VAPA: variants seen among roughly 807,000 people sequenced by gnomAD.
VAPA encodes vesicle-associated membrane protein-associated protein A.
Under a neutral mutation model 25.6 loss-of-function variants are expected in VAPA, and 6 were observed. The ratio of observed to expected loss-of-function variants is 0.23; its 90% CI spans 0.13 to 0.46. The LOEUF (loss-of-function observed/expected upper bound fraction) is 0.46, where lower values mean the gene tolerates loss of function less well. Ranked by LOEUF, VAPA falls within the 20% of genes least tolerant of loss-of-function variation. VAPA has a pLI of 0.99. For synonymous variants in VAPA, 112 were observed against 106.2 expected, an observed-to-expected ratio of 1.05 and a Z score of -0.34; for missense variants, 244 against 302.1, an observed-to-expected ratio of 0.81 and a Z score of 1.43.
At chr18:9,950,096 G>T in intron 4 of VAPA, 1 of 265,338 alleles carries the variant, frequency 3.8e-6, no homozygotes, top group Non-Finnish European at 7.2e-6. Flanking sequence ...CTGGTTTTAG[G>T]GGTAAATACA....
intron 4 of VAPA, chr18:9,947,775 C>T (rs900614373): frequency 1.3e-5 from 2 of 152,076 alleles, no homozygotes; most frequent in Non-Finnish European, 2.9e-5. Context: ...TAATAGAGGT[C>T]CTGGATGGAA....
intron 1 of VAPA, among the ~76,000 whole-genome samples, chr18:9,929,183 G>C (rs2069228261): frequency 2.0e-5 from 3 of 152,128 alleles, no homozygotes; most frequent in African/African-American, 7.2e-5. Context: ...ACTTGGAAAA[G>C]AGGTTTTTCA....
intron 1 of VAPA, among the ~76,000 whole-genome samples, chr18:9,919,083 G>T (rs940567038): frequency 6.6e-6 from 1 of 152,146 alleles, no homozygotes; most frequent in African/African-American, 2.4e-5. Context: ...GGGTGCCGCT[G>T]TGTTGCCCAG....
At chr18:9,923,751 C>T (rs1221057595) in intron 1 of VAPA, among the ~76,000 whole-genome samples, 1 of 151,912 alleles carries the variant, frequency 6.6e-6, no homozygotes, top group African/African-American at 2.4e-5. Context: ...ACAACAGATC[C>T]CCAAAAAATC....
intron 1 of VAPA, among the ~76,000 whole-genome samples, chr18:9,918,115 T>TC (rs893819568): frequency 1.3e-5 from 2 of 152,166 alleles, no homozygotes; most frequent in East Asian, 3.9e-4. Flanking sequence ...AAAACCCTGC[T>TC]CATACCCAAG....
chr18:9,942,453 C>T (rs1440656081), intron 4 of VAPA, among the ~76,000 whole-genome samples: 1 of 149,786 alleles, frequency 6.7e-6, no homozygotes, highest in African/African-American at 2.5e-5. Context: ...GTTTTAACCC[C>T]ACTCCCTCAC....
Position 9,955,844 on chromosome 18 carries a change from A to ATGCTGCATGCTTTACTGCCAT in VAPA, c.*1639_*1659dup, listed in dbSNP as rs1208055969. 3 of 152,184 alleles carry ATGCTGCATGCTTTACTGCCAT rather than the reference A, an allele frequency of 2.0e-5. No individual in the cohort carries two copies. Among genetic ancestry groups the ATGCTGCATGCTTTACTGCCAT allele is most frequent in the Non-Finnish European group, 4.4e-5 (3 of 68,022 alleles). The allele number at this position is 152,184 out of a possible 1,614,324, so 9.4% of individuals were successfully genotyped here. A position where few individuals can be genotyped will look rare whatever the true frequency, so the allele number is the denominator to read the frequency against. On this transcript the variant is annotated 3_prime_UTR_variant, in exon 6 of 6. Coordinates refer to ENST00000400000, the MANE Select transcript of VAPA (RefSeq NM_194434.3). ...AATGCCTATCCATTACTAGCATGCT[A>ATGCTGCATGCTTTACTGCCAT]TGCTGCATGCTTTACTGCCATTGCT...
Position 9,943,476 on chromosome 18 carries a change from C to G in VAPA, c.417+6410C>G, listed in dbSNP as rs2069386343. 2.6e-5 allele frequency among the ~76,000 whole-genome samples: 4 copies of G among 152,066 alleles called. No individual in the cohort carries two copies. In the South Asian group the frequency reaches 6.2e-4, roughly 24 times the overall value. On this transcript the variant is annotated intron_variant, in intron 4 of 5. Transcript: ENST00000400000. ...CAATACATTTCATTTTGTTAATGGC[C>G]CCTAGTGTCTTCAGTTGAGTTGTTG...
intron 1 of VAPA, among the ~76,000 whole-genome samples, chr18:9,922,670 C>T (rs1395964916): frequency 6.6e-5 from 10 of 151,798 alleles, no homozygotes; most frequent in Non-Finnish European, 8.8e-5. Flanking sequence ...GACTGGGAGA[C>T]AAAACAGTGG....
chr18:9,922,715 T>C (rs1410763108), intron 1 of VAPA, among the ~76,000 whole-genome samples: 2 of 151,908 alleles, frequency 1.3e-5, no homozygotes, highest in Non-Finnish European at 2.9e-5. Context: ...AAGCAACTAA[T>C]TGAGAGAAAA....
At chr18:9,919,459 GAGAT>G (rs149124366) in intron 1 of VAPA, among the ~76,000 whole-genome samples, 1 of 152,306 alleles carries the variant, frequency 6.6e-6, no homozygotes, top group African/African-American at 2.4e-5. Context: ...TCTAACAAGA[GAGAT>G]AGATACTAAT....
intron 1 of VAPA, 99 bp downstream of exon 1, chr18:9,914,434 G>T (rs1296911029): frequency 2.8e-6 from 3 of 1,080,858 alleles, no homozygotes; most frequent in Non-Finnish European, 3.7e-6. Context: ...CTGGCCCGAG[G>T]GAGCGCCCCC....
chr18:9,950,740 T>C, intron 5 of VAPA, 172 bp downstream of exon 5: 2 of 623,138 alleles, frequency 3.2e-6, no homozygotes, highest in Non-Finnish European at 2.7e-6. Flanking sequence ...CTTCCCGTGG[T>C]TTCTCATTGC....
chr18:9,929,140 T>C (rs2069227898), intron 1 of VAPA, among the ~76,000 whole-genome samples: 1 of 152,122 alleles, frequency 6.6e-6, no homozygotes, highest in South Asian at 2.1e-4. Context: ...AAGAAAAGAG[T>C]ACACATTTTT....
intron 2 of VAPA, among the ~76,000 whole-genome samples, chr18:9,933,062 G>GC (rs1046758628): frequency 7.3e-5 from 11 of 151,252 alleles, no homozygotes; most frequent in African/African-American, 2.7e-4. Context: ...AGCGGAGACT[G>GC]CACGAGTAAG....
chr18:9,937,077 G>A lies in VAPA; in HGVS notation c.417+11G>A. ...GAAAATGATAAATTGGTAAGTAGGA[G>A]AATGTAAAAAAAATTGGGAGCTGTT... On this transcript the variant is annotated intron_variant, in intron 4 of 5. Transcript: ENST00000400000. The A allele has an allele frequency of 6.2e-7, 1 of 1,610,834 alleles. No homozygotes were observed. The highest frequency in any genetic ancestry group is 8.5e-7 in the Non-Finnish European group (1 of 1,177,898).
intron 1 of VAPA, among the ~76,000 whole-genome samples, chr18:9,919,462 A>G (rs1186733736): frequency 1.3e-5 from 2 of 152,236 alleles, no homozygotes; most frequent in Admixed American, 1.3e-4. Context: ...AACAAGAGAG[A>G]TAGATACTAA....
chr18:9,927,374 A>G (rs1367260172), intron 1 of VAPA, among the ~76,000 whole-genome samples: 1 of 152,114 alleles, frequency 6.6e-6, no homozygotes, highest in Non-Finnish European at 1.5e-5. Context: ...TTCTCTTTGC[A>G]GCTGAACTCA....
intron 2 of VAPA, among the ~76,000 whole-genome samples, chr18:9,934,525 A>G (rs1206093145): frequency 6.6e-6 from 1 of 152,190 alleles, no homozygotes; most frequent in Admixed American, 6.5e-5. Context: ...AGTTGTCTTA[A>G]CCTTGATAGC....
Sources: gnomAD v4.1 joint callset for allele counts (sites outside exome capture counted in the v4.1 genomes callset) on GRCh38, gnomAD v4.1.1 for gene constraint, MANE v1.5 for transcripts, NCBI Gene and HGNC (gene_info 2026-07-23, HGNC 2026-07-21) for gene names.